The following TRMU variants were observed in gnomAD, a reference collection of about 807,000 sequenced individuals.
TRMU encodes tRNA mitochondrial 2-thiouridylase, also known as mitochondrial tRNA-specific 2-thiouridylase 1.
In TRMU, 49 loss-of-function variants were observed where a neutral mutation model predicts 46.9. The observed-to-expected ratio is 1.05, with a 90% CI of 0.83 to 1.33. The LOEUF (loss-of-function observed/expected upper bound fraction) is 1.33, where lower values mean the gene tolerates loss of function less well. TRMU is among the 40% of genes most tolerant of loss of function. The pLI, the probability that TRMU is intolerant of heterozygous loss-of-function variation, is 0.00. For missense variants in TRMU, 572 were observed against 532.4 expected (o/e 1.07, Z -0.73); for synonymous variants, 241 against 200.9 (o/e 1.20, Z -1.69).
At chr22:46,352,895 T>G (rs2078477164) in intron 7 of TRMU, 1 of 222,278 alleles carries the variant, frequency 4.5e-6, no homozygotes, top group South Asian at 7.8e-5. Context: ...GTGCAGCCAT[T>G]GTTGGGTTAG....
At chr22:46,355,263 G>C (rs1368579259) in intron 8 of TRMU, 181 bp from the exon 9 acceptor site, 1 of 906,612 alleles carries the variant, frequency 1.1e-6, no homozygotes, top group East Asian at 2.7e-5. Flanking sequence ...TGTAAAATGG[G>C]GATTCAAAGG....
At chr22:46,355,073 C>G (rs2078555569) in intron 8 of TRMU, 3 of 346,584 alleles carry the variant, frequency 8.7e-6, no homozygotes, top group African/African-American at 2.1e-5. Flanking sequence ...GGCCCCTGTC[C>G]CTGCGAATAG....
intron 10 of TRMU, 148 bp from the exon 11 acceptor site, chr22:46,356,694 C>T: frequency 2.1e-6 from 2 of 940,882 alleles, no homozygotes; most frequent in Non-Finnish European, 3.2e-6. Context: ...TGTTCAGCAG[C>T]AGCAGCAGCA....
At position 46,356,041 on chromosome 22, in the gene TRMU, T is replaced by G. The variant is rs1307657328; in HGVS notation, c.1070T>G (p.Val357Gly). 6.2e-7 allele frequency: 1 copy of G among 1,613,858 alleles called. No individual in the cohort carries two copies. The highest frequency in any genetic ancestry group is 1.3e-5 in the African/African-American group (1 of 74,930). The change falls in exon 10 of 11, where the codon GTG (valine) becomes GGG (glycine). Residue 357 changes from valine (V) to glycine (G), a missense_variant. Val to Gly is a moderately radical substitution (Grantham distance 109, BLOSUM62 -3). Coordinates refer to ENST00000645190, the MANE Select transcript of TRMU (RefSeq NM_018006.5). The part of the protein sequence containing the change: ...NQDGTVWVTA[V>G]QAVRALATGQ... ...GATGGCACCGTGTGGGTGACAGCTG[T>G]GCAGGCTGTGCGTGCCCTTGCCACA...
rs910176812 is a variant in TRMU, at chr22:46,339,624, G to T, written c.248+1680G>T. Among the ~76,000 whole-genome samples, 5 of 152,102 alleles carry T rather than the reference G, an allele frequency of 3.3e-5. No individual in the cohort carries two copies. Among genetic ancestry groups the T allele is most frequent in the African/African-American group, 1.2e-4 (5 of 41,396 alleles). ...CAAAATCTCAGAAGTCACCACTGAAGAACTTATCCATGTGACCAAATACCA... is the reference window on the plus strand; with the variant it reads ...CAAAATCTCAGAAGTCACCACTGAATAACTTATCCATGTGACCAAATACCA... On this transcript the variant is annotated intron_variant, in intron 2 of 10. Transcript: ENST00000645190. The surrounding 1 kb of genome is among the most constrained non-coding windows in gnomAD (Gnocchi z 4.8).
chr22:46,354,425 G>C (rs78846396), intron 8 of TRMU: 6,147 of 168,574 alleles, frequency 0.036, 190 homozygotes, highest in South Asian at 0.095. Context: ...AAGCAAGGAC[G>C]CGGGTGCTGC....
rs12158624 is a variant in TRMU, at chr22:46,343,054, G to A, written c.249-208G>A. Among the ~76,000 whole-genome samples, 4,252 of 152,322 alleles carry A rather than the reference G, an allele frequency of 0.028. 200 individuals are homozygous for A. The highest frequency in any genetic ancestry group is 0.096 in the African/African-American group (3,980 of 41,550). ...ACACAGAGACGGTGGCTCCTGAGCC[G>A]TAGTGGCAGAGAATAACACCTTGTC... On this transcript the variant is annotated intron_variant, in intron 2 of 10. Transcript: ENST00000645190.
intron 8 of TRMU, 24 bp from the exon 9 acceptor site, chr22:46,355,420 C>T (rs554740434): frequency 1.2e-6 from 2 of 1,611,696 alleles, no homozygotes; most frequent in Non-Finnish European, 1.7e-6. Context: ...CTCGGCGTCC[C>T]CACCTTCACA....
In TRMU at chr22:46,352,700, C is replaced by T. The variant is rs140199781; in HGVS notation, c.772+370C>T. ...GATTCAGGGAGTAAGGTGGACGTCC[C>T]GGCATGGTGTGAATGATTAAGGACC... On this transcript the variant is annotated intron_variant, in intron 7 of 10. Coordinates refer to ENST00000645190, the MANE Select transcript of TRMU (RefSeq NM_018006.5). 578 of 366,458 alleles carry T rather than the reference C, an allele frequency of 1.6e-3. 6 individuals carry two copies. Among genetic ancestry groups the T allele is most frequent in the South Asian group, 0.011 (471 of 44,334 alleles). 22.7% of individuals were successfully genotyped at this position (366,458 alleles called of 1,614,324 possible).
Position 46,349,432 on chromosome 22 carries a change from G to GT in TRMU, c.479-858dup, listed in dbSNP as rs1229387133. On this transcript the variant is annotated intron_variant, in intron 4 of 10. Coordinates refer to ENST00000645190, the MANE Select transcript of TRMU (RefSeq NM_018006.5). The surrounding 1 kb of genome is among the most constrained non-coding windows in gnomAD (Gnocchi z 4.6). The stretch of plus-strand genomic sequence containing the variant: ...GGAAAACACTAGCTACGCAGAGTGT[G>GT]TACTGTACACGTGGCTCTGCCAAGC... 6.6e-6 allele frequency among the ~76,000 whole-genome samples: 1 copy of GT among 152,240 alleles called. No homozygotes were observed. The highest frequency in any genetic ancestry group is 1.5e-5 in the Non-Finnish European group (1 of 68,048).
In TRMU at chr22:46,346,483, T is replaced by C. The variant is rs935322761; in HGVS notation, c.417T>C (p.Phe139=). The change falls in exon 4 of 11, where the codon TTT becomes TTC. Residue 139 remains phenylalanine, a synonymous_variant. Coordinates refer to ENST00000645190, the MANE Select transcript of TRMU (RefSeq NM_018006.5). ...CTTCCCTGGAAGATGAAGAAGTCTTTGAGCAGAAGCACGTTAAGAAGCCCG... is the reference window on the plus strand; with the variant it reads ...CTTCCCTGGAAGATGAAGAAGTCTTCGAGCAGAAGCACGTTAAGAAGCCCG... ...ARTSLEDEEV[F]EQKHVKKPEG... is the part of the protein sequence containing the mutation. 3.1e-6 allele frequency: 5 copies of C among 1,613,748 alleles called. No individual in the cohort carries two copies. The highest frequency in any genetic ancestry group is 1.7e-6 in the Non-Finnish European group (2 of 1,179,716).
In TRMU at chr22:46,356,122, C is replaced by T. The variant is rs142936872; in HGVS notation, c.1101+50C>T. 65 of 1,597,378 alleles carry T rather than the reference C, an allele frequency of 4.1e-5. No individual in the cohort carries two copies. The African/African-American group carries it at 7.1e-4, about 17-fold the overall frequency. Reference sequence around the variant, plus strand: ...CGGGGAGGACTGTACTGCTCTGCACCCTGCCAGGGCACCCGGGTTACAGAG... The same window carrying T: ...CGGGGAGGACTGTACTGCTCTGCACTCTGCCAGGGCACCCGGGTTACAGAG... On this transcript the variant is annotated intron_variant, in intron 10 of 10. Coordinates refer to ENST00000645190, the MANE Select transcript of TRMU (RefSeq NM_018006.5).
intron 2 of TRMU, among the ~76,000 whole-genome samples, chr22:46,340,860 C>G (rs1045432077): frequency 2.0e-5 from 3 of 152,362 alleles, no homozygotes; most frequent in Admixed American, 1.3e-4. Flanking sequence ...CGGGTAGAGT[C>G]TTTTCCCATC....
intron 1 of TRMU, among the ~76,000 whole-genome samples, chr22:46,337,540 C>G (rs2078010137): frequency 6.6e-6 from 1 of 152,124 alleles, no homozygotes; most frequent in Non-Finnish European, 1.5e-5. Flanking sequence ...AGGTATTGTG[C>G]TGATACATAG....
rs892699216 is a variant in TRMU, at chr22:46,338,553, A to G, written c.248+609A>G. On this transcript the variant is annotated intron_variant, in intron 2 of 10. Coordinates refer to ENST00000645190, the MANE Select transcript of TRMU (RefSeq NM_018006.5). The surrounding 1 kb of genome is among the most constrained non-coding windows in gnomAD (Gnocchi z 4.5). ...GCACGCAGGAAGTACCAGTGATGCT[A>G]TCAGTCACTGAACCCAGAGGAGGGA... Among the ~76,000 whole-genome samples the G allele has an allele frequency of 2.0e-5, 3 of 152,226 alleles. No homozygotes were observed. The highest frequency in any genetic ancestry group is 7.2e-5 in the African/African-American group (3 of 41,460).
At chr22:46,345,722 G>A (rs182003334) in intron 3 of TRMU, among the ~76,000 whole-genome samples, 1 of 151,050 alleles carries the variant, frequency 6.6e-6, no homozygotes, top group Admixed American at 6.6e-5. Context: ...GCAGTGCATT[G>A]TCATTCACTT....
In TRMU at chr22:46,335,824, C is replaced by G; in HGVS notation, c.60C>G (p.Ala20=). ...CCGGCGGCGTGGACAGCGCCGTGGCCGCGCTGCTGCTGAGGCGGAGAGGTG... is the reference window on the plus strand; with the variant it reads ...CCGGCGGCGTGGACAGCGCCGTGGCGGCGCTGCTGCTGAGGCGGAGAGGTG... ...ALSGGVDSAV[A]ALLLRRRGYQ... Residue 20 remains alanine (A), a synonymous_variant, in exon 1 of 11, where the codon GCC becomes GCG. Transcript: ENST00000645190. 1 of 1,555,084 alleles carries G rather than the reference C, an allele frequency of 6.4e-7. No homozygotes were observed. The highest frequency in any genetic ancestry group is 8.7e-7 in the Non-Finnish European group (1 of 1,155,954).
rs151058264 is a variant in TRMU, at chr22:46,356,125, G to A, written c.1101+53G>A. On this transcript the variant is annotated intron_variant, in intron 10 of 10. Coordinates refer to ENST00000645190, the MANE Select transcript of TRMU (RefSeq NM_018006.5). ...GGAGGACTGTACTGCTCTGCACCCT[G>A]CCAGGGCACCCGGGTTACAGAGGAA... 610 of 1,596,490 alleles carry A rather than the reference G, an allele frequency of 3.8e-4. 4 individuals are homozygous for A. The African/African-American group carries it at 6.7e-3, about 18-fold the overall frequency.
chr22:46,342,173 T>C lies in TRMU; in HGVS notation c.249-1089T>C, dbSNP rs2078139519. 6.6e-6 allele frequency among the ~76,000 whole-genome samples: 1 copy of C among 152,216 alleles called. No homozygotes were observed. Among genetic ancestry groups the C allele is most frequent in the African/African-American group, 2.4e-5 (1 of 41,468 alleles). On this transcript the variant is annotated intron_variant, in intron 2 of 10. Transcript: ENST00000645190. The surrounding 1 kb of genome is among the most constrained non-coding windows in gnomAD (Gnocchi z 4.7). ...CCCCCCACAACAGCAGTCGAAAGTATGGGCCTCTAGAACTTATGACCAACT... is the reference window on the plus strand; with the variant it reads ...CCCCCCACAACAGCAGTCGAAAGTACGGGCCTCTAGAACTTATGACCAACT...
Sources: allele counts gnomAD v4.1 joint callset (sites outside exome capture counted in the v4.1 genomes callset), GRCh38; gene constraint gnomAD v4.1.1; non-coding constraint Gnocchi (gnomAD v3.1); transcripts MANE v1.5; gene names NCBI Gene and HGNC (gene_info 2026-07-23, HGNC 2026-07-21).